ZBTB7C: variants seen among roughly 807,000 people sequenced by gnomAD.
ZBTB7C encodes the protein zinc finger and BTB domain-containing protein 7C.
In ZBTB7C, 8 loss-of-function variants were observed where a neutral mutation model predicts 25.7. The ratio of observed to expected loss-of-function variants is 0.31; its 90% CI spans 0.18 to 0.56. The LOEUF is 0.56. Among genes scored for constraint, ZBTB7C ranks in the 20% least tolerant of loss-of-function variants. The pLI, the probability that ZBTB7C is intolerant of heterozygous loss-of-function variation, is 0.91. For synonymous variants in ZBTB7C, 394 were observed against 369.0 expected (o/e 1.07, Z -0.78); for missense variants, 824 against 855.2 (o/e 0.96, Z 0.46).
intron 3 of ZBTB7C, among the ~76,000 whole-genome samples, chr18:48,168,196 C>T (rs898771761): frequency 2.0e-5 from 3 of 152,230 alleles, no homozygotes; most frequent in African/African-American, 7.2e-5. Context: ...GCTGATTAAG[C>T]TGTCCTGGGC....
At chr18:48,244,309 G>A (rs1242194440) in intron 2 of ZBTB7C, among the ~76,000 whole-genome samples, 1 of 152,200 alleles carries the variant, frequency 6.6e-6, no homozygotes, top group African/African-American at 2.4e-5. Context: ...CAGCTACTCG[G>A]GAGGCTGAGG....
At chr18:48,155,913 G>A (rs1191668800) in intron 3 of ZBTB7C, among the ~76,000 whole-genome samples, 1 of 152,126 alleles carries the variant, frequency 6.6e-6, no homozygotes, top group Admixed American at 6.5e-5. Context: ...AGAATACTCA[G>A]CCTGTCAAAG....
intron 2 of ZBTB7C, among the ~76,000 whole-genome samples, chr18:48,329,270 C>T (rs368231729): frequency 2.6e-4 from 39 of 152,340 alleles, no homozygotes; most frequent in African/African-American, 9.1e-4. Flanking sequence ...TTGACCACCA[C>T]TTTACAACGC....
At chr18:48,106,354 A>T (rs1335317748) in intron 3 of ZBTB7C, among the ~76,000 whole-genome samples, 1 of 152,074 alleles carries the variant, frequency 6.6e-6, no homozygotes, top group Non-Finnish European at 1.5e-5. Context: ...AGAAAAAAAA[A>T]AAAAGAAAAA....
chr18:48,156,476 G>A lies in ZBTB7C; in HGVS notation c.-17+29458C>T, dbSNP rs2040844390. Among the ~76,000 whole-genome samples the A allele has an allele frequency of 4.6e-5, 7 of 152,312 alleles. No individual in the cohort carries two copies. The South Asian group carries it at 1.5e-3, about 32-fold the overall frequency. On this transcript the variant is annotated intron_variant, in intron 3 of 4. Coordinates refer to ENST00000590800, the MANE Select transcript of ZBTB7C (RefSeq NM_001318841.2). ...ATTCAGTTAGAGCTTGTCTGTGAAG[G>A]AAAGCACTCGAAAAGTAAAGTGGGA...
intron 3 of ZBTB7C, chr18:48,087,607 C>T (rs10468995): frequency 6.6e-6 from 1 of 151,596 alleles, no homozygotes. Context: ...CAATAAAGCA[C>T]AACCCCATCT....
chr18:48,298,517 G>A (rs1308605341), intron 2 of ZBTB7C, among the ~76,000 whole-genome samples: 1 of 152,132 alleles, frequency 6.6e-6, no homozygotes, highest in East Asian at 1.9e-4. Flanking sequence ...ATGCTTCTTG[G>A]CACTCTACCC....
At chr18:48,304,080 A>AATGAACCCAGGG (rs2045608526) in intron 2 of ZBTB7C, among the ~76,000 whole-genome samples, 1 of 152,096 alleles carries the variant, frequency 6.6e-6, no homozygotes, top group Non-Finnish European at 1.5e-5. Flanking sequence ...CAAAGCCAGG[A>AATGAACCCAGGG]ATGAACCCAG....
intron 3 of ZBTB7C, among the ~76,000 whole-genome samples, chr18:48,164,058 A>G (rs945373337): frequency 7.9e-5 from 12 of 152,220 alleles, no homozygotes; most frequent in Non-Finnish European, 1.5e-4. Context: ...AATAATTTTC[A>G]TACTGAGTTC....
At chr18:48,101,030 C>CTACT (rs1484236411) in intron 3 of ZBTB7C, among the ~76,000 whole-genome samples, 2 of 152,240 alleles carry the variant, frequency 1.3e-5, no homozygotes, top group South Asian at 4.1e-4. Context: ...CTACTGGGCA[C>CTACT]AGTAGCCTTG....
intron 2 of ZBTB7C, among the ~76,000 whole-genome samples, chr18:48,257,430 T>C (rs573364798): frequency 1.3e-5 from 2 of 152,230 alleles, no homozygotes; most frequent in South Asian, 2.1e-4. Context: ...AACTTTCCCA[T>C]AAAGAAAATT....
At chr18:48,180,558 A>G in intron 3 of ZBTB7C, 1 of 355,464 alleles carries the variant, frequency 2.8e-6, no homozygotes, top group Non-Finnish European at 5.5e-6. Flanking sequence ...CTTGGCAGAC[A>G]GCACAGCCCC....
chr18:48,140,810 G>A (rs925198918), intron 3 of ZBTB7C, among the ~76,000 whole-genome samples: 7 of 151,762 alleles, frequency 4.6e-5, no homozygotes, highest in African/African-American at 1.7e-4. Context: ...CGCGCCCCCA[G>A]CCAAACCATC....
intron 1 of ZBTB7C, among the ~76,000 whole-genome samples, chr18:48,354,548 A>G (rs1431054026): frequency 6.6e-6 from 1 of 152,130 alleles, no homozygotes; most frequent in Non-Finnish European, 1.5e-5. Flanking sequence ...CCATCCCCAA[A>G]TATGCCTTAA....
intron 3 of ZBTB7C, among the ~76,000 whole-genome samples, chr18:48,125,614 G>A (rs528271726): frequency 1.3e-5 from 2 of 152,334 alleles, no homozygotes; most frequent in South Asian, 2.1e-4. Context: ...GGCTGGAGAC[G>A]CAGTGAAGCA....
chr18:48,294,722 C>T (rs1182265533), intron 2 of ZBTB7C, among the ~76,000 whole-genome samples: 1 of 152,004 alleles, frequency 6.6e-6, no homozygotes, highest in Non-Finnish European at 1.5e-5. Flanking sequence ...TCACCCCTCC[C>T]CCAACACCAG....
intron 1 of ZBTB7C, among the ~76,000 whole-genome samples, chr18:48,343,757 C>A (rs1416437337): frequency 1.3e-5 from 2 of 152,186 alleles, no homozygotes; most frequent in African/African-American, 2.4e-5. Context: ...GCATCATCTG[C>A]GGATCTGGAT....
rs140979377 is a variant in ZBTB7C, at chr18:48,230,702, T to C, written c.-78-44707A>G. ...GTGGGTGGGGCTGTGCAGCTACTGATAGTCCAAGGCGAAAGGGCAGCCTGA... is the reference window on the plus strand; with the variant it reads ...GTGGGTGGGGCTGTGCAGCTACTGACAGTCCAAGGCGAAAGGGCAGCCTGA... On this transcript the variant is annotated intron_variant, in intron 2 of 4. Transcript: ENST00000590800. Among the ~76,000 whole-genome samples, 150 of 152,220 alleles carry C rather than the reference T, an allele frequency of 9.9e-4. 1 individual carries two copies. The East Asian group carries it at 0.024, about 24-fold the overall frequency.
chr18:48,078,959 T>C (rs1040129934), intron 3 of ZBTB7C, among the ~76,000 whole-genome samples: 13 of 152,240 alleles, frequency 8.5e-5, no homozygotes, highest in African/African-American at 3.1e-4. Flanking sequence ...CATTCATTCA[T>C]TGATAGACAT....
Sources: gnomAD v4.1 joint callset for allele counts (sites outside exome capture counted in the v4.1 genomes callset) on GRCh38, gnomAD v4.1.1 for gene constraint, MANE v1.5 for transcripts, NCBI Gene and HGNC (gene_info 2026-07-23, HGNC 2026-07-21) for gene names.